The following NRG3 variants were observed in gnomAD, a reference collection of about 807,000 sequenced individuals.
NRG3 encodes pro-neuregulin-3, membrane-bound isoform.
Under a neutral mutation model 66.9 loss-of-function variants are expected in NRG3, and 31 were observed. The ratio of observed to expected loss-of-function variants is 0.46; its 90% CI spans 0.35 to 0.63. The LOEUF (loss-of-function observed/expected upper bound fraction) is 0.63. Among genes scored for constraint, NRG3 ranks in the 20% least tolerant of loss-of-function variants. The pLI, the probability that NRG3 is intolerant of heterozygous loss-of-function variation, is 0.00. For synonymous variants in NRG3, 393 were observed against 359.4 expected (o/e 1.09, Z -1.06); for missense variants, 910 against 878.9 (o/e 1.04, Z -0.45).
intron 5 of NRG3, among the ~76,000 whole-genome samples, chr10:82,952,967 T>C (rs1475578460): frequency 1.3e-5 from 2 of 152,026 alleles, no homozygotes; most frequent in Non-Finnish European, 2.9e-5. Context: ...TCCTCCATTA[T>C]TAATGCCTTA....
rs145190408 is a variant in NRG3, at chr10:82,595,969, A to G, written c.954-142608A>G. Reference sequence around the variant, plus strand: ...TGAGAAAATAGTGCCAATACAGTTCATTAATTTTATGATTGTTTCTGGCAT... The same window carrying G: ...TGAGAAAATAGTGCCAATACAGTTCGTTAATTTTATGATTGTTTCTGGCAT... On this transcript the variant is annotated intron_variant, in intron 2 of 8. Transcript: ENST00000372141. Among the ~76,000 whole-genome samples the G allele has an allele frequency of 7.0e-3, 1,059 of 152,302 alleles. 10 individuals carry two copies. Among genetic ancestry groups the G allele is most frequent in the African/African-American group, 0.021 (864 of 41,558 alleles).
chr10:81,927,466 A>G (rs186302426), intron 1 of NRG3, among the ~76,000 whole-genome samples: 2 of 152,344 alleles, frequency 1.3e-5, no homozygotes, highest in African/African-American at 4.8e-5. Flanking sequence ...TTAATATGCT[A>G]AAAATGAACT....
At chr10:82,051,755 A>G (rs1422545312) in intron 1 of NRG3, among the ~76,000 whole-genome samples, 2 of 152,148 alleles carry the variant, frequency 1.3e-5, no homozygotes, top group Non-Finnish European at 2.9e-5. Context: ...TCATAATGAG[A>G]GGACATCATT....
chr10:82,724,688 A>T (rs372069963), intron 2 of NRG3, among the ~76,000 whole-genome samples: 95 of 152,284 alleles, frequency 6.2e-4, no homozygotes, highest in African/African-American at 2.3e-3. Flanking sequence ...GATGTCTGCA[A>T]ACAGATTCCT....
At chr10:82,338,390 G>A (rs1427442564) in intron 1 of NRG3, among the ~76,000 whole-genome samples, 1 of 152,178 alleles carries the variant, frequency 6.6e-6, no homozygotes, top group Non-Finnish European at 1.5e-5. Flanking sequence ...AAAACATTAT[G>A]AGTATATTAG....
chr10:82,899,508 T>A (rs1434324043), intron 4 of NRG3, among the ~76,000 whole-genome samples: 1 of 152,164 alleles, frequency 6.6e-6, no homozygotes, highest in Non-Finnish European at 1.5e-5. Flanking sequence ...GTGCGTAGTA[T>A]TTTTTTCTCT....
chr10:82,341,878 C>A (rs920594161), intron 1 of NRG3, among the ~76,000 whole-genome samples: 1 of 151,938 alleles, frequency 6.6e-6, no homozygotes, highest in African/African-American at 2.4e-5. Flanking sequence ...TGAGTTTACT[C>A]TGTTTCTGAG....
intron 7 of NRG3, among the ~76,000 whole-genome samples, chr10:82,977,684 A>G (rs1320056399): frequency 6.6e-6 from 1 of 151,934 alleles, no homozygotes; most frequent in Non-Finnish European, 1.5e-5. Flanking sequence ...GCACACATTT[A>G]GGAAGTTAAT....
At chr10:82,040,623 A>G (rs74144130) in intron 1 of NRG3, among the ~76,000 whole-genome samples, 2,003 of 152,060 alleles carry the variant, frequency 0.013, 38 homozygotes, top group African/African-American at 0.046. Context: ...TCTAAAGAAT[A>G]AGGCAGGAGA....
At chr10:82,903,194 A>G (rs1235439027) in intron 4 of NRG3, among the ~76,000 whole-genome samples, 2 of 152,176 alleles carry the variant, frequency 1.3e-5, no homozygotes, top group Non-Finnish European at 2.9e-5. Context: ...ACTATAGCAC[A>G]TACTGTAAAA....
At chr10:82,438,734 AG>A (rs1225606311) in intron 2 of NRG3, among the ~76,000 whole-genome samples, 1 of 152,130 alleles carries the variant, frequency 6.6e-6, no homozygotes, top group Admixed American at 6.5e-5. Flanking sequence ...TGCCCGGCTG[AG>A]TAGCACGCTC....
Position 82,732,662 on chromosome 10 carries a change from C to CA in NRG3, c.954-5914dup, listed in dbSNP as rs1431257782. Among the ~76,000 whole-genome samples, 33 of 152,182 alleles carry CA rather than the reference C, an allele frequency of 2.2e-4. No individual in the cohort carries two copies. The Middle Eastern group carries it at 0.01, about 47-fold the overall frequency. ...CATTTCTTGAATGCTTATCATGCACCACAGGTATTGTATCATTTACTCCTA... is the reference window on the plus strand; with the variant it reads ...CATTTCTTGAATGCTTATCATGCACCAACAGGTATTGTATCATTTACTCCTA... On this transcript the variant is annotated intron_variant, in intron 2 of 8. Coordinates refer to ENST00000372141, the MANE Select transcript of NRG3 (RefSeq NM_001010848.4).
intron 1 of NRG3, among the ~76,000 whole-genome samples, chr10:82,321,310 G>GGGGC (rs1554884246): frequency 4.7e-5 from 7 of 148,412 alleles, no homozygotes; most frequent in Non-Finnish European, 1.0e-4. Flanking sequence ...GTGGGGGTGG[G>GGGGC]GGTCAGGGAA....
chr10:82,219,018 T>G (rs553045750), intron 1 of NRG3, among the ~76,000 whole-genome samples: 1 of 152,084 alleles, frequency 6.6e-6, no homozygotes, highest in Non-Finnish European at 1.5e-5. Context: ...ATTCTTTCAC[T>G]AAGTGCTTCT....
At chr10:82,719,076 A>G (rs571600357) in intron 2 of NRG3, among the ~76,000 whole-genome samples, 17 of 152,304 alleles carry the variant, frequency 1.1e-4, no homozygotes, top group African/African-American at 3.8e-4. Context: ...GACCAGGGCC[A>G]TTAGAGGAAA....
In NRG3 at chr10:82,554,814, G is replaced by C. The variant is rs569552195; in HGVS notation, c.954-183763G>C. Among the ~76,000 whole-genome samples, 14 of 152,266 alleles carry C rather than the reference G, an allele frequency of 9.2e-5. No individual in the cohort carries two copies. The South Asian group carries it at 2.9e-3, about 32-fold the overall frequency. ...TGTAACCACTAAAAGCAGTGCTAGA[G>C]ACCTCTACATATTGATGTTAAGACA... On this transcript the variant is annotated intron_variant, in intron 2 of 8. Coordinates refer to ENST00000372141, the MANE Select transcript of NRG3 (RefSeq NM_001010848.4).
intron 3 of NRG3, among the ~76,000 whole-genome samples, chr10:82,833,531 G>A (rs974529087): frequency 3.9e-5 from 6 of 152,120 alleles, no homozygotes; most frequent in Non-Finnish European, 7.4e-5. Flanking sequence ...CCCACCAGTT[G>A]CCTAATAGCA....
At chr10:82,619,887 A>G (rs1484703677) in intron 2 of NRG3, among the ~76,000 whole-genome samples, 3 of 152,208 alleles carry the variant, frequency 2.0e-5, no homozygotes, top group African/African-American at 7.2e-5. Context: ...CAGGAATGCA[A>G]GTAAATAAAT....
intron 2 of NRG3, among the ~76,000 whole-genome samples, chr10:82,575,346 A>G (rs1005034590): frequency 2.6e-5 from 4 of 151,802 alleles, no homozygotes; most frequent in African/African-American, 9.7e-5. Flanking sequence ...AAAAAAAGAA[A>G]GAATAAAAGA....
Sources: gnomAD v4.1 joint callset for allele counts (sites outside exome capture counted in the v4.1 genomes callset) on GRCh38, gnomAD v4.1.1 for gene constraint, MANE v1.5 for transcripts, NCBI Gene and HGNC (gene_info 2026-07-23, HGNC 2026-07-21) for gene names.